NUP205: variants seen among roughly 807,000 people sequenced by gnomAD.
NUP205 encodes nuclear pore complex protein Nup205.
NUP205 carries 76 observed loss-of-function variants against 253.8 expected under a neutral mutation model. That is an observed-to-expected ratio of 0.30 (90% CI 0.25 to 0.36). The LOEUF (loss-of-function observed/expected upper bound fraction) is 0.36, where lower values mean the gene tolerates loss of function less well. NUP205 is among the 10% of genes least tolerant of loss of function. NUP205 has a pLI of 1.00. For synonymous variants in NUP205, 832 were observed against 850.1 expected, an observed-to-expected ratio of 0.98 and a Z score of 0.37; for missense variants, 2,162 against 2,425.5, an observed-to-expected ratio of 0.89 and a Z score of 2.28.
chr7:135,561,557 A>T (rs35229763), intron 1 of NUP205, among the ~76,000 whole-genome samples: 2 of 151,908 alleles, frequency 1.3e-5, no homozygotes, highest in African/African-American at 2.4e-5. Context: ...ACACTCTTCA[A>T]ATCTTTAACC....
intron 30 of NUP205, among the ~76,000 whole-genome samples, chr7:135,620,247 ATC>A (rs1794447756): frequency 1.3e-5 from 2 of 152,296 alleles, no homozygotes; most frequent in South Asian, 4.1e-4. Context: ...CTTTTAAAAT[ATC>A]TCGGCCTGGC....
At position 135,619,861 on chromosome 7, in the gene NUP205, C is replaced by T. The variant is rs750799255; in HGVS notation, c.4303C>T (p.Pro1435Ser). 6.2e-7 allele frequency: 1 copy of T among 1,612,760 alleles called. No individual in the cohort carries two copies. Among genetic ancestry groups the T allele is most frequent in the Non-Finnish European group, 8.5e-7 (1 of 1,178,994 alleles). The part of the protein sequence containing the change: ...LLYYLQIAQR[P>S]DEPDTLEAAK... ...TTATTACTTACAGATTGCCCAGAGA[C>T]CTGATGAACCAGACACCTTAGAAGC... The change falls in exon 30 of 43, where the codon CCT (proline) becomes TCT (serine). Residue 1435 changes from proline to serine, a missense_variant. By Grantham distance (74) the Pro-to-Ser change is moderately conservative. This residue lies in a region of NUP205 where 1,144 missense variants were observed against 1,280.9 expected (regional missense o/e 0.89). Transcript: ENST00000285968.
At chr7:135,612,736 A>T (rs554823976) in intron 22 of NUP205, among the ~76,000 whole-genome samples, 1 of 152,314 alleles carries the variant, frequency 6.6e-6, no homozygotes, top group South Asian at 2.1e-4. Context: ...AATAAATTTT[A>T]GCATGTTAGG....
chr7:135,581,789 G>A (rs1239109928), intron 7 of NUP205, among the ~76,000 whole-genome samples: 45 of 151,548 alleles, frequency 3.0e-4, no homozygotes, highest in Admixed American at 3.0e-3. Context: ...GTGGGCAGAG[G>A]TTGCAGTGAG....
At position 135,597,391 on chromosome 7, in the gene NUP205, A is replaced by C; in HGVS notation, c.2037A>C (p.Pro679=). The C allele has an allele frequency of 6.2e-7, 1 of 1,611,850 alleles. No individual in the cohort carries two copies. The highest frequency in any genetic ancestry group is 8.5e-7 in the Non-Finnish European group (1 of 1,177,946). ...AGATACTGCAGACCGTGAGGATTCC[A>C]AGCCAAAGGCAAGCTATTGGTATTG... The part of the protein sequence containing the change: ...YTQILQTVRI[P]SQRQAIGIEV... The change falls in exon 14 of 43, where the codon CCA becomes CCC. Residue 679 remains proline, a synonymous_variant. Transcript: ENST00000285968.
intron 35 of NUP205, among the ~76,000 whole-genome samples, chr7:135,630,904 C>G (rs1371638962): frequency 6.6e-6 from 1 of 150,476 alleles, no homozygotes; most frequent in Admixed American, 6.6e-5. Context: ...CCAGTCTGGG[C>G]AACAGAACAA....
At chr7:135,636,804 G>C (rs1794819326) in intron 36 of NUP205, among the ~76,000 whole-genome samples, 1 of 152,112 alleles carries the variant, frequency 6.6e-6, no homozygotes, top group South Asian at 2.1e-4. Flanking sequence ...CCAGGAGTTT[G>C]AGACCAGCCT....
chr7:135,561,616 C>G (rs1275575724), intron 1 of NUP205, among the ~76,000 whole-genome samples: 1 of 152,162 alleles, frequency 6.6e-6, no homozygotes, highest in Non-Finnish European at 1.5e-5. Context: ...AAATAGGAGC[C>G]AACATACATG....
chr7:135,638,709 T>C (rs1794864164), intron 38 of NUP205, 26 bp downstream of exon 38: 3 of 1,613,790 alleles, frequency 1.9e-6, no homozygotes, highest in Non-Finnish European at 2.5e-6. Flanking sequence ...CATTCTGTAT[T>C]GAAGGAACTA....
intron 32 of NUP205, 58 bp from the exon 33 acceptor site, chr7:135,626,181 TC>T: frequency 6.2e-7 from 1 of 1,602,650 alleles, no homozygotes; most frequent in Non-Finnish European, 8.5e-7. Flanking sequence ...GTTGCACTTT[TC>T]TCTGAGGCCC....
intron 30 of NUP205, among the ~76,000 whole-genome samples, chr7:135,621,729 T>A (rs1456498991): frequency 6.6e-6 from 1 of 152,318 alleles, no homozygotes; most frequent in African/African-American, 2.4e-5. Context: ...AAAAAAAGAA[T>A]AAAAATATCT....
Position 135,597,486 on chromosome 7 carries a change from A to C in NUP205, c.2064+68A>C, listed in dbSNP as rs1219963818. The C allele has an allele frequency of 1.3e-5, 12 of 918,680 alleles. No individual in the cohort carries two copies. In the East Asian group the frequency reaches 2.9e-4, roughly 22 times the overall value. 56.9% of individuals were successfully genotyped at this position (918,680 alleles called of 1,614,324 possible). On this transcript the variant is annotated intron_variant, in intron 14 of 42. Transcript: ENST00000285968. ...TGTAATGATAAGAAGTCTATGAATC[A>C]TTCTTACCCTTTTACGTTTCCATAA...
At chr7:135,596,283 T>C (rs1793833693) in intron 13 of NUP205, among the ~76,000 whole-genome samples, 2 of 152,352 alleles carry the variant, frequency 1.3e-5, no homozygotes, top group African/African-American at 4.8e-5. Context: ...TTTTCTGACA[T>C]ACATATCCTG....
At chr7:135,613,042 C>T (rs1318692392) in intron 22 of NUP205, among the ~76,000 whole-genome samples, 2 of 151,192 alleles carry the variant, frequency 1.3e-5, no homozygotes, top group African/African-American at 2.4e-5. Context: ...GCTGTGATTG[C>T]ACCACTGTAC....
At position 135,607,320 on chromosome 7, in the gene NUP205, A is replaced by C. The variant is rs749407924; in HGVS notation, c.3144A>C (p.Thr1048=). The change falls in exon 22 of 43, where the codon ACA becomes ACC. Residue 1048 remains threonine (T), a synonymous_variant. Coordinates refer to ENST00000285968, the MANE Select transcript of NUP205 (RefSeq NM_015135.3). ...NILEKGTEGR[T]GPVAVRESPQ... ...TGGAGAAAGGAACGGAAGGGAGAAC[A>C]GGCCCAGTGGCGGTGCGAGAATCTC... The C allele has an allele frequency of 6.2e-7, 1 of 1,614,010 alleles. No homozygotes were observed. Among genetic ancestry groups the C allele is most frequent in the African/African-American group, 1.3e-5 (1 of 74,940 alleles).
chr7:135,605,468 G>A (rs1264839025), intron 19 of NUP205, among the ~76,000 whole-genome samples: 2 of 152,186 alleles, frequency 1.3e-5, no homozygotes, highest in Middle Eastern at 3.2e-3. Flanking sequence ...CTATCTGTCA[G>A]TAGTAACTTC....
At chr7:135,612,907 A>C (rs767647576) in intron 22 of NUP205, among the ~76,000 whole-genome samples, 1 of 152,162 alleles carries the variant, frequency 6.6e-6, no homozygotes, top group Non-Finnish European at 1.5e-5. Context: ...TGCCTGGTAC[A>C]TGGAAAGCAT....
chr7:135,647,796 G>T (rs1795037932), intron 42 of NUP205, among the ~76,000 whole-genome samples: 1 of 146,962 alleles, frequency 6.8e-6, no homozygotes, highest in African/African-American at 2.4e-5. Context: ...CTGAAAACAG[G>T]TAGATTGATC....
At chr7:135,594,792 A>C (rs1468905548) in intron 13 of NUP205, 63 bp downstream of exon 13, 1 of 1,291,194 alleles carries the variant, frequency 7.7e-7, no homozygotes, top group African/African-American at 1.5e-5. Context: ...TGATAATACC[A>C]TAGAAGCAAG....
Sources: allele counts gnomAD v4.1 joint callset (sites outside exome capture counted in the v4.1 genomes callset), GRCh38; gene constraint gnomAD v4.1.1; regional missense constraint gnomAD v4.1.1; transcripts MANE v1.5; gene names NCBI Gene and HGNC (gene_info 2026-07-23, HGNC 2026-07-21).